The following ZFHX3 variants were observed in gnomAD, a reference collection of about 807,000 sequenced individuals.
ZFHX3 encodes zinc finger homeobox 3, also known as zinc finger homeobox protein 3.
ZFHX3 carries 42 observed loss-of-function variants against 279.1 expected under a neutral mutation model. That is an observed-to-expected ratio of 0.15 (90% confidence interval 0.12 to 0.19). The LOEUF (loss-of-function observed/expected upper bound fraction) is 0.19, where lower values mean the gene tolerates loss of function less well. Ranked by LOEUF, ZFHX3 falls within the 10% of genes least tolerant of loss-of-function variation. The pLI, the probability that ZFHX3 is intolerant of heterozygous loss-of-function variation, is 1.00. For missense variants in ZFHX3, 4,981 were observed against 4,754.0 expected (o/e 1.05, Z -1.40); for synonymous variants, 2,293 against 1,957.8 (o/e 1.17, Z -4.52).
intron 1 of ZFHX3, among the ~76,000 whole-genome samples, chr16:73,683,914 G>C (rs1449278816): frequency 2.6e-5 from 4 of 152,200 alleles, no homozygotes; most frequent in Non-Finnish European, 5.9e-5. Flanking sequence ...TTTCTTGTTT[G>C]TGGGCCACAT....
intron 4 of ZFHX3, among the ~76,000 whole-genome samples, chr16:72,854,159 TC>T (rs2037689930): frequency 6.6e-6 from 1 of 152,226 alleles, no homozygotes; most frequent in South Asian, 2.1e-4. Context: ...AAGCATGTTT[TC>T]TATGCCATAA....
intron 1 of ZFHX3, among the ~76,000 whole-genome samples, chr16:73,845,450 A>G (rs1445156303): frequency 6.6e-6 from 1 of 152,134 alleles, no homozygotes; most frequent in Non-Finnish European, 1.5e-5. Context: ...TTTTAAATAT[A>G]AAGAGATTTG....
intron 3 of ZFHX3, among the ~76,000 whole-genome samples, chr16:73,424,169 T>G (rs1287529087): frequency 6.6e-6 from 1 of 152,164 alleles, no homozygotes; most frequent in African/African-American, 2.4e-5. Flanking sequence ...CTTACTACTT[T>G]CACCCCGAAA....
At position 72,797,034 on chromosome 16, in the gene ZFHX3, T is replaced by C. The variant is rs927321584; in HGVS notation, c.5648A>G (p.Lys1883Arg). 1 of 1,614,000 alleles carries C rather than the reference T, an allele frequency of 6.2e-7. No homozygotes were observed. The highest frequency in any genetic ancestry group is 1.3e-5 in the African/African-American group (1 of 74,908). The change falls in exon 9 of 10, where the codon AAA becomes AGA. Residue 1883 changes from lysine to arginine, a missense_variant. By Grantham distance (26) the Lys-to-Arg change is conservative. Transcript: ENST00000268489. ...HPEKKNKLVI[K>R]EKEKESQRER... ...TCTCTGGCTTTCTTTTTCCTTTTCT[T>C]TGATGACCAATTTGTTCTTCTTTTC...
chr16:72,862,114 A>C (rs1197775180), intron 4 of ZFHX3, among the ~76,000 whole-genome samples: 3 of 152,198 alleles, frequency 2.0e-5, no homozygotes, highest in Non-Finnish European at 4.4e-5. Context: ...TGTGTGACAC[A>C]CTGTATACCA....
intron 2 of ZFHX3, among the ~76,000 whole-genome samples, chr16:73,496,802 G>A (rs1320896060): frequency 6.6e-6 from 1 of 152,154 alleles, no homozygotes; most frequent in Non-Finnish European, 1.5e-5. Flanking sequence ...GAGGAGTCTG[G>A]GGGGTGGGAG....
chr16:73,243,690 G>A (rs4129177), intron 5 of ZFHX3, among the ~76,000 whole-genome samples: 1 of 151,984 alleles, frequency 6.6e-6, no homozygotes, highest in Admixed American at 6.5e-5. Flanking sequence ...ATTTCACCAC[G>A]CTATAGACAT....
intron 1 of ZFHX3, among the ~76,000 whole-genome samples, chr16:73,775,143 G>A (rs1959218410): frequency 6.6e-6 from 1 of 152,104 alleles, no homozygotes; most frequent in African/African-American, 2.4e-5. Context: ...TACTCCTATG[G>A]GAAAGCGCCG....
At chr16:73,823,091 G>A (rs1258280358) in intron 1 of ZFHX3, among the ~76,000 whole-genome samples, 2 of 152,122 alleles carry the variant, frequency 1.3e-5, no homozygotes, top group Non-Finnish European at 2.9e-5. Flanking sequence ...TTAATGATCT[G>A]ATCATAAAAG....
chr16:73,607,459 G>A (rs892511170), intron 2 of ZFHX3, among the ~76,000 whole-genome samples: 3 of 152,134 alleles, frequency 2.0e-5, no homozygotes, highest in Non-Finnish European at 4.4e-5. Context: ...ATACCTGCAC[G>A]CGTATGTTCA....
intron 1 of ZFHX3, among the ~76,000 whole-genome samples, chr16:73,681,170 C>T (rs1248651162): frequency 6.6e-6 from 1 of 152,162 alleles, no homozygotes; most frequent in Non-Finnish European, 1.5e-5. Context: ...CATGCATAAG[C>T]ATCTTGCTAT....
In ZFHX3 at chr16:73,048,073, C is replaced by A; in HGVS notation, c.-371G>T. On this transcript the variant is annotated 5_prime_UTR_variant, in exon 1 of 10. Coordinates refer to ENST00000268489, the MANE Select transcript of ZFHX3 (RefSeq NM_006885.4). ...GCTGGCGTCCGGGTCCCCGGCCTGCCCGCCGCCGCCGCCTCCTCCTCTGCC... is the reference window on the plus strand; with the variant it reads ...GCTGGCGTCCGGGTCCCCGGCCTGCACGCCGCCGCCGCCTCCTCCTCTGCC... 1 of 152,408 alleles carries A rather than the reference C, an allele frequency of 6.6e-6. No individual in the cohort carries two copies. Among genetic ancestry groups the A allele is most frequent in the South Asian group, 2.0e-4 (1 of 5,020 alleles). The allele number at this position is 152,408 out of a possible 1,614,324, so 9.4% of individuals were successfully genotyped here. A position where few individuals can be genotyped will look rare whatever the true frequency, so the allele number is the denominator to read the frequency against.
chr16:73,817,065 T>G (rs893836471), intron 1 of ZFHX3, among the ~76,000 whole-genome samples: 3 of 152,158 alleles, frequency 2.0e-5, no homozygotes, highest in Non-Finnish European at 2.9e-5. Flanking sequence ...TGACTTGTGA[T>G]CACTGGGATG....
intron 4 of ZFHX3, among the ~76,000 whole-genome samples, chr16:73,270,230 T>C (rs2014103283): frequency 6.6e-6 from 1 of 152,208 alleles, no homozygotes; most frequent in Non-Finnish European, 1.5e-5. Flanking sequence ...GAGATTCTTT[T>C]CAAGTTATAA....
chr16:73,266,248 C>A (rs2013971772), intron 4 of ZFHX3, among the ~76,000 whole-genome samples: 1 of 152,196 alleles, frequency 6.6e-6, no homozygotes, highest in Non-Finnish European at 1.5e-5. Flanking sequence ...TTTTATAAAC[C>A]TATCATCACA....
chr16:73,736,892 A>G (rs1013960876), intron 1 of ZFHX3, among the ~76,000 whole-genome samples: 9 of 152,248 alleles, frequency 5.9e-5, no homozygotes, highest in Non-Finnish European at 8.8e-5. Flanking sequence ...CACTGTGTGT[A>G]TCAACATATG....
At chr16:73,533,620 T>A (rs1183079290) in intron 2 of ZFHX3, among the ~76,000 whole-genome samples, 1 of 152,098 alleles carries the variant, frequency 6.6e-6, no homozygotes, top group East Asian at 1.9e-4. Flanking sequence ...AATGGGCTAA[T>A]CAGCATCTTC....
intron 1 of ZFHX3, among the ~76,000 whole-genome samples, chr16:73,781,639 C>G (rs1567408725): frequency 6.6e-6 from 1 of 152,132 alleles, no homozygotes; most frequent in Non-Finnish European, 1.5e-5. Context: ...TAGATTATAG[C>G]CAGAGTCATA....
chr16:72,822,580 T>C (rs1429987539), intron 5 of ZFHX3, among the ~76,000 whole-genome samples: 1 of 152,176 alleles, frequency 6.6e-6, no homozygotes, highest in Non-Finnish European at 1.5e-5. Flanking sequence ...TACTTTACAA[T>C]TGGCACAAAA....
Sources: allele counts gnomAD v4.1 joint callset (sites outside exome capture counted in the v4.1 genomes callset), GRCh38; gene constraint gnomAD v4.1.1; transcripts MANE v1.5; gene names NCBI Gene and HGNC (gene_info 2026-07-23, HGNC 2026-07-21).